Variants in EDIL3 observed in about 807,000 individuals in gnomAD.
The protein encoded by EDIL3 is EGF like and discoidin domains 3, also known as EGF-like repeat and discoidin I-like domain-containing protein 3.
EDIL3 carries 37 observed loss-of-function variants against 67.4 expected under a neutral mutation model. That is an observed-to-expected ratio of 0.55 (90% confidence interval 0.42 to 0.72). EDIL3 has a LOEUF of 0.72. EDIL3 is among the 30% of genes least tolerant of loss of function. The pLI is 0.00. For synonymous variants in EDIL3, 195 were observed against 196.3 expected, an observed-to-expected ratio of 0.99 and a Z score of 0.05; for missense variants, 527 against 586.3, an observed-to-expected ratio of 0.90 and a Z score of 1.04.
intron 1 of EDIL3, among the ~76,000 whole-genome samples, chr5:84,358,000 C>T (rs563161035): frequency 5.5e-4 from 84 of 151,700 alleles, no homozygotes; most frequent in African/African-American, 1.7e-3. Flanking sequence ...TAGTGGTAGT[C>T]GCCACAAGAA....
In EDIL3 at chr5:84,178,330, G is replaced by A. The variant is rs112159041; in HGVS notation, c.355+2063C>T. Among the ~76,000 whole-genome samples, 1,214 of 152,236 alleles carry A rather than the reference G, an allele frequency of 8.0e-3. 17 individuals carry two copies. Among genetic ancestry groups the A allele is most frequent in the African/African-American group, 0.027 (1,129 of 41,550 alleles). ...GATCCTGATGCACGAGCACATTTGA[G>A]TAGCAAGGTTCTAAATATCTAGGTC... On this transcript the variant is annotated intron_variant, in intron 4 of 10. Coordinates refer to ENST00000296591, the MANE Select transcript of EDIL3 (RefSeq NM_005711.5).
intron 9 of EDIL3, among the ~76,000 whole-genome samples, chr5:84,051,442 G>C (rs1161693242): frequency 6.6e-6 from 1 of 152,196 alleles, no homozygotes; most frequent in Non-Finnish European, 1.5e-5. Flanking sequence ...ACCAGCAACG[G>C]AACAAAGCTG....
chr5:84,229,885 CTATGA>C lies in EDIL3; in HGVS notation c.197-6_197-2del. Reference sequence around the variant, plus strand: ...GAAGTTGGTTCTTCTTCATCTGATGCTATGATAAGAGGAAAAGGTGAAATGGGGGT... The same window carrying C: ...GAAGTTGGTTCTTCTTCATCTGATGCTAAGAGGAAAAGGTGAAATGGGGGT... On this transcript the variant is annotated splice_acceptor_variant and splice_polypyrimidine_tract_variant and intron_variant, in intron 2 of 10. Coordinates refer to ENST00000296591, the MANE Select transcript of EDIL3 (RefSeq NM_005711.5). LOFTEE classifies it high-confidence loss of function. 6.3e-7 allele frequency: 1 copy of C among 1,581,538 alleles called. No homozygotes were observed.
At chr5:84,382,663 G>A (rs1163390804) in intron 1 of EDIL3, among the ~76,000 whole-genome samples, 3 of 152,124 alleles carry the variant, frequency 2.0e-5, no homozygotes, top group African/African-American at 4.8e-5. Context: ...AAATCCAGAC[G>A]GGAAATGAGA....
intron 5 of EDIL3, among the ~76,000 whole-genome samples, chr5:84,123,730 G>A (rs953775742): frequency 7.9e-5 from 12 of 151,896 alleles, no homozygotes; most frequent in Admixed American, 6.6e-4. Flanking sequence ...TCATTTCAAT[G>A]AGTAATAAAA....
intron 1 of EDIL3, among the ~76,000 whole-genome samples, chr5:84,381,184 T>C (rs112666551): frequency 1.3e-5 from 2 of 152,108 alleles, no homozygotes; most frequent in Non-Finnish European, 2.9e-5. Context: ...AACAAATACA[T>C]TTTAATTCTA....
At chr5:84,162,717 G>C (rs1748635858) in intron 4 of EDIL3, among the ~76,000 whole-genome samples, 1 of 151,918 alleles carries the variant, frequency 6.6e-6, no homozygotes, top group Non-Finnish European at 1.5e-5. Context: ...TTGGTTTTGA[G>C]AAGTCCACAT....
chr5:84,321,900 G>C (rs1746656131), intron 1 of EDIL3, among the ~76,000 whole-genome samples: 1 of 151,948 alleles, frequency 6.6e-6, no homozygotes, highest in South Asian at 2.1e-4. Context: ...GACATAGAAG[G>C]ACAGGACATT....
chr5:84,356,933 CTT>C (rs1169215209), intron 1 of EDIL3, among the ~76,000 whole-genome samples: 4 of 42,494 alleles, frequency 9.4e-5, no homozygotes, highest in African/African-American at 3.7e-4. Context: ...CTCTCTCTCT[CTT>C]TTCTTTTTTT....
chr5:84,345,049 A>C (rs1747209894), intron 1 of EDIL3, among the ~76,000 whole-genome samples: 1 of 152,124 alleles, frequency 6.6e-6, no homozygotes, highest in African/African-American at 2.4e-5. Context: ...GGACCTAGTT[A>C]TTCTCTCATC....
intron 10 of EDIL3, among the ~76,000 whole-genome samples, chr5:83,945,292 C>A (rs1580245774): frequency 6.6e-6 from 1 of 152,068 alleles, no homozygotes; most frequent in East Asian, 2.0e-4. Context: ...CACCAAAAAT[C>A]TTGAGAGACT....
At chr5:84,060,196 T>C (rs746227971) in intron 9 of EDIL3, 104 bp downstream of exon 9, 5 of 1,352,392 alleles carry the variant, frequency 3.7e-6, no homozygotes, top group Non-Finnish European at 5.0e-6. Flanking sequence ...TGAAGGCACA[T>C]TTAAATTAGC....
chr5:84,281,134 A>G (rs988817025), intron 1 of EDIL3, among the ~76,000 whole-genome samples: 1 of 152,166 alleles, frequency 6.6e-6, no homozygotes, highest in Non-Finnish European at 1.5e-5. Context: ...AAGGAATCTT[A>G]TAAGTTTTCT....
chr5:84,370,391 A>G (rs550778407), intron 1 of EDIL3, among the ~76,000 whole-genome samples: 1 of 152,286 alleles, frequency 6.6e-6, no homozygotes, highest in African/African-American at 2.4e-5. Context: ...GTGTGACTGC[A>G]TGGTGGGAGG....
At chr5:83,983,985 C>T (rs1342239609) in intron 9 of EDIL3, among the ~76,000 whole-genome samples, 1 of 151,808 alleles carries the variant, frequency 6.6e-6, no homozygotes, top group Non-Finnish European at 1.5e-5. Flanking sequence ...GATTCTCTTG[C>T]TAGGGCTGGA....
chr5:84,113,910 G>A lies in EDIL3; in HGVS notation c.470-7080C>T, dbSNP rs549212751. Among the ~76,000 whole-genome samples the A allele has an allele frequency of 1.2e-4, 18 of 152,318 alleles. No individual in the cohort carries two copies. In the South Asian group the frequency reaches 3.1e-3, roughly 26 times the overall value. ...TCCTCTGCTGTGCTTAATACAGCGT[G>A]ATAATTGTGCTGAATGCAAGCACTG... On this transcript the variant is annotated intron_variant, in intron 5 of 10. Coordinates refer to ENST00000296591, the MANE Select transcript of EDIL3 (RefSeq NM_005711.5).
intron 1 of EDIL3, among the ~76,000 whole-genome samples, chr5:84,302,998 A>T (rs1315111889): frequency 6.6e-6 from 1 of 152,254 alleles, no homozygotes; most frequent in Non-Finnish European, 1.5e-5. Context: ...TCTGTTCTAA[A>T]GAGAATCATT....
chr5:84,229,722 A>T (rs1744528130), intron 3 of EDIL3, 133 bp downstream of exon 3: 1 of 892,236 alleles, frequency 1.1e-6, no homozygotes, highest in Non-Finnish European at 1.7e-6. Flanking sequence ...AGCAAATATA[A>T]AAGTAAATAA....
chr5:84,258,970 C>CTTTTTTTTTTTTTTTTTTTTTTTTT (rs144344642), intron 1 of EDIL3, among the ~76,000 whole-genome samples: 2 of 77,924 alleles, frequency 2.6e-5, no homozygotes, highest in African/African-American at 5.5e-5. Flanking sequence ...TTCGTAGAGT[C>CTTTTTTTTTTTTTTTTTTTTTTTTT]TTTTTTTTTT....
Sources: allele counts gnomAD v4.1 joint callset (sites outside exome capture counted in the v4.1 genomes callset), GRCh38; gene constraint gnomAD v4.1.1; transcripts MANE v1.5; gene names NCBI Gene and HGNC (gene_info 2026-07-23, HGNC 2026-07-21).